CALN1: variants seen among roughly 807,000 people sequenced by gnomAD.
CALN1 encodes the protein calneuron 1.
A neutral mutation model predicts 30.6 loss-of-function variants in CALN1; 17 were observed. That is an observed-to-expected ratio of 0.56 (90% CI 0.38 to 0.83). The LOEUF is 0.83. Among genes scored for constraint, CALN1 ranks in the 40% least tolerant of loss-of-function variants. The probability of loss-of-function intolerance (pLI) is 0.00; values close to 1 mark genes in which losing one functional copy is unlikely to be tolerated. For synonymous variants in CALN1, 156 were observed against 131.4 expected, an observed-to-expected ratio of 1.19 and a Z score of -1.28; for missense variants, 291 against 354.9, an observed-to-expected ratio of 0.82 and a Z score of 1.45.
intron 3 of CALN1, among the ~76,000 whole-genome samples, chr7:72,240,834 C>A (rs961619278): frequency 6.6e-6 from 1 of 152,194 alleles, no homozygotes; most frequent in African/African-American, 2.4e-5. Flanking sequence ...GTGACCTATA[C>A]AAATCAGAGT....
chr7:72,347,502 G>A (rs907688022), intron 2 of CALN1, among the ~76,000 whole-genome samples: 5 of 152,076 alleles, frequency 3.3e-5, no homozygotes, highest in Admixed American at 6.6e-5. Context: ...CCGACCTCAG[G>A]TGATGCGCCA....
At chr7:72,448,840 C>T (rs565620795), upstream of CALN1, among the ~76,000 whole-genome samples, 10 of 152,174 alleles carry the variant, frequency 6.6e-5, no homozygotes, top group Non-Finnish European at 1.2e-4. Context: ...CTCCTGACCT[C>T]ATGATCTTCC....
At chr7:72,377,761 GCT>G (rs1313314571) in intron 2 of CALN1, among the ~76,000 whole-genome samples, 6 of 152,196 alleles carry the variant, frequency 3.9e-5, no homozygotes, top group African/African-American at 1.2e-4. Flanking sequence ...TTCCAGAAGA[GCT>G]CTGTTAGGTT....
At chr7:72,372,209 C>T (rs186585209) in intron 2 of CALN1, among the ~76,000 whole-genome samples, 24 of 152,248 alleles carry the variant, frequency 1.6e-4, no homozygotes, top group Admixed American at 1.3e-3. Flanking sequence ...CCAAATAATT[C>T]ATAACAGCAG....
intron 4 of CALN1, among the ~76,000 whole-genome samples, chr7:72,084,913 C>T (rs141254853): frequency 0.011 from 1,622 of 152,192 alleles, 15 homozygotes; most frequent in Admixed American, 0.015. Context: ...TTCTGAGTAG[C>T]GTGATAAAAT....
At chr7:72,272,571 A>G (rs1007766313) in intron 3 of CALN1, among the ~76,000 whole-genome samples, 3 of 152,170 alleles carry the variant, frequency 2.0e-5, no homozygotes, top group African/African-American at 7.2e-5. Flanking sequence ...CCACGAAAAA[A>G]AAGAAAGAAA....
At chr7:72,250,941 G>C (rs2129552035) in intron 3 of CALN1, among the ~76,000 whole-genome samples, 1 of 152,250 alleles carries the variant, frequency 6.6e-6, no homozygotes, top group South Asian at 2.1e-4. Flanking sequence ...ACCTCTGTGA[G>C]GTTAAGAGCC....
At chr7:72,034,967 A>G (rs987528477) in intron 4 of CALN1, among the ~76,000 whole-genome samples, 7 of 152,146 alleles carry the variant, frequency 4.6e-5, no homozygotes, top group African/African-American at 7.2e-5. Flanking sequence ...ATTTCTCTGC[A>G]TAAGTATTTA....
intron 4 of CALN1, among the ~76,000 whole-genome samples, chr7:72,041,788 CAA>C (rs1802146073): frequency 6.6e-6 from 1 of 152,108 alleles, no homozygotes; most frequent in Non-Finnish European, 1.5e-5. Context: ...GTGCTGTTCT[CAA>C]AACAGTGAAT....
At chr7:72,140,526 TC>T (rs1809849361) in intron 3 of CALN1, among the ~76,000 whole-genome samples, 1 of 152,162 alleles carries the variant, frequency 6.6e-6, no homozygotes, top group Non-Finnish European at 1.5e-5. Flanking sequence ...TGAAAGTATT[TC>T]CCTCTCCCTC....
Position 72,023,798 on chromosome 7 carries a change from G to A in CALN1, c.389-29C>T, listed in dbSNP as rs371871784. On this transcript the variant is annotated intron_variant, in intron 4 of 6. Coordinates refer to ENST00000395275, the MANE Select transcript of CALN1 (RefSeq NM_031468.4). ...CAAGGAGAAGATGTAAATATGAGTTGCAAACAAGCTGAACTTGACCTACCG... is the reference window on the plus strand; with the variant it reads ...CAAGGAGAAGATGTAAATATGAGTTACAAACAAGCTGAACTTGACCTACCG... 20 of 1,569,092 alleles carry A rather than the reference G, an allele frequency of 1.3e-5. No individual in the cohort carries two copies. The Middle Eastern group carries it at 5.0e-4, about 39-fold the overall frequency.
At chr7:72,493,535 C>T in the CALN1 span, among the ~76,000 whole-genome samples, 2 of 152,130 alleles carry the variant, frequency 1.3e-5, no homozygotes, top group Non-Finnish European at 1.5e-5. Context: ...AACAGGGCTT[C>T]ACCATGTTGG....
At chr7:72,139,530 G>C (rs1809743661) in intron 3 of CALN1, among the ~76,000 whole-genome samples, 1 of 141,318 alleles carries the variant, frequency 7.1e-6, no homozygotes, top group South Asian at 2.3e-4. Context: ...TAAGCACCTT[G>C]GCCATGTCCA....
At chr7:72,450,355 T>C (rs531712241), upstream of CALN1, among the ~76,000 whole-genome samples, 27 of 152,152 alleles carry the variant, frequency 1.8e-4, no homozygotes, top group Non-Finnish European at 3.1e-4. Context: ...AAGTGGGGGA[T>C]GTACACCTGG....
intron 5 of CALN1, 132 bp downstream of exon 5, chr7:72,023,525 G>A: frequency 1.9e-6 from 1 of 532,916 alleles, no homozygotes; most frequent in Non-Finnish European, 3.2e-6. Context: ...TTGATTCTTT[G>A]TTCTGGAACA....
intron 4 of CALN1, among the ~76,000 whole-genome samples, chr7:72,045,996 CAA>C (rs34011098): frequency 0.019 from 1,748 of 90,674 alleles, 23 homozygotes; most frequent in African/African-American, 0.065. Context: ...GACTCCCTCT[CAA>C]AAAAAAAAAA....
intron 2 of CALN1, among the ~76,000 whole-genome samples, chr7:72,339,927 G>A (rs1420740982): frequency 2.0e-5 from 3 of 152,194 alleles, no homozygotes; most frequent in Non-Finnish European, 4.4e-5. Context: ...GATGAGATTT[G>A]GGTGGGGACA....
At chr7:72,383,774 T>C (rs1805048298) in intron 2 of CALN1, among the ~76,000 whole-genome samples, 1 of 152,238 alleles carries the variant, frequency 6.6e-6, no homozygotes, top group South Asian at 2.1e-4. Flanking sequence ...CACAGCTTAT[T>C]TTCCAATCCA....
At chr7:72,502,270 T>C in the CALN1 span, among the ~76,000 whole-genome samples, 1 of 150,110 alleles carries the variant, frequency 6.7e-6, no homozygotes, top group Non-Finnish European at 1.5e-5. Context: ...ACAGTGACAA[T>C]AGAAGGGATT....
Sources: gnomAD v4.1 joint callset for allele counts (sites outside exome capture counted in the v4.1 genomes callset) on GRCh38, gnomAD v4.1.1 for gene constraint, MANE v1.5 for transcripts, NCBI Gene and HGNC (gene_info 2026-07-23, HGNC 2026-07-21) for gene names.